The following TNN variants were observed in gnomAD, a reference collection of about 807,000 sequenced individuals.
TNN encodes the protein tenascin N, also known as tenascin-N.
In TNN, 122 loss-of-function variants were observed where a neutral mutation model predicts 134.4. The ratio of observed to expected loss-of-function variants is 0.91; its 90% CI spans 0.78 to 1.06. The LOEUF is 1.06. TNN is among the 50% of genes least tolerant of loss of function. The pLI is 0.00. For missense variants in TNN, 1,739 were observed against 1,699.4 expected (o/e 1.02, Z -0.41); for synonymous variants, 710 against 670.3 (o/e 1.06, Z -0.91).
At chr1:175,070,944 A>C (rs1365816189) in intron 1 of TNN, among the ~76,000 whole-genome samples, 1 of 152,188 alleles carries the variant, frequency 6.6e-6, no homozygotes, top group Non-Finnish European at 1.5e-5. Context: ...AAAGAGAGTT[A>C]AGGAAGGAGT....
chr1:175,102,980 A>T (rs1283012905), intron 9 of TNN, among the ~76,000 whole-genome samples: 1 of 146,350 alleles, frequency 6.8e-6, no homozygotes, highest in Non-Finnish European at 1.5e-5. Context: ...GGTGTCCTTC[A>T]GAGGGGAACT....
chr1:175,084,142 G>A (rs766492098), intron 5 of TNN, among the ~76,000 whole-genome samples: 1 of 152,212 alleles, frequency 6.6e-6, no homozygotes, highest in African/African-American at 2.4e-5. Flanking sequence ...TCCAGAGCTC[G>A]ATCCCAGGGC....
rs764490910 is a variant in TNN at position 175,079,611 on chromosome 1, G to A, written c.688G>A (p.Glu230Lys). ...HEDFMSEDCS[E>K]KRCPGDCSGH... ...AGACTTCATGTCGGAGGACTGCAGC[G>A]AGAAGCGCTGTCCCGGCGACTGCAG... Residue 230 changes from glutamate (E) to lysine (K), a missense_variant, in exon 3 of 19, where the codon GAG (glutamate) becomes AAG (lysine). Transcript: ENST00000239462. 1.3e-5 allele frequency: 20 copies of A among 1,599,816 alleles called. No individual in the cohort carries two copies. The highest frequency in any genetic ancestry group is 1.6e-5 in the Non-Finnish European group (19 of 1,174,612).
intron 16 of TNN, among the ~76,000 whole-genome samples, chr1:175,136,244 G>A (rs1675809096): frequency 6.6e-6 from 1 of 152,170 alleles, no homozygotes. Flanking sequence ...TGATTGGGAT[G>A]CTGGTCCATT....
chr1:175,132,185 C>A (rs1675693169), intron 15 of TNN, among the ~76,000 whole-genome samples: 1 of 152,144 alleles, frequency 6.6e-6, no homozygotes, highest in African/African-American at 2.4e-5. Flanking sequence ...TTGGACCAGG[C>A]ACCTTGCTAG....
intron 6 of TNN, among the ~76,000 whole-genome samples, chr1:175,092,659 C>CA (rs1445906160): frequency 6.6e-6 from 1 of 152,144 alleles, no homozygotes; most frequent in African/African-American, 2.4e-5. Flanking sequence ...AGAATGAGTT[C>CA]AAATCTTGGC....
At chr1:175,132,046 G>C (rs1392466041) in intron 15 of TNN, among the ~76,000 whole-genome samples, 1 of 152,050 alleles carries the variant, frequency 6.6e-6, no homozygotes, top group Non-Finnish European at 1.5e-5. Context: ...TAGGGGGGCA[G>C]GGTTGGATTT....
At chr1:175,093,528 A>G (rs1894684) in intron 6 of TNN, among the ~76,000 whole-genome samples, 83,364 of 151,968 alleles carry the variant, frequency 0.55, 23,457 homozygotes, top group African/African-American at 0.69. Flanking sequence ...AAGAGAGAGA[A>G]GAGCATGTGT....
intron 9 of TNN, among the ~76,000 whole-genome samples, chr1:175,099,464 G>T (rs1674661374): frequency 6.6e-6 from 1 of 151,384 alleles, no homozygotes; most frequent in South Asian, 2.1e-4. Context: ...AGGAGGAAAG[G>T]TGAGGGGTCA....
At chr1:175,143,293 T>G (rs1406015031) in intron 17 of TNN, among the ~76,000 whole-genome samples, 2 of 152,210 alleles carry the variant, frequency 1.3e-5, no homozygotes, top group Non-Finnish European at 2.9e-5. Flanking sequence ...TGTAAGAATC[T>G]TTATTGCAGG....
chr1:175,121,184 G>T (rs572072070), intron 11 of TNN, among the ~76,000 whole-genome samples: 5 of 152,142 alleles, frequency 3.3e-5, no homozygotes, highest in Non-Finnish European at 7.3e-5. Flanking sequence ...CTACGGTATC[G>T]GACTGTGCCG....
At chr1:175,140,424 C>A (rs1051136240) in intron 17 of TNN, among the ~76,000 whole-genome samples, 1 of 152,264 alleles carries the variant, frequency 6.6e-6, no homozygotes, top group Non-Finnish European at 1.5e-5. Flanking sequence ...CCTCCCTGGC[C>A]TCCTGGTCAG....
intron 15 of TNN, among the ~76,000 whole-genome samples, chr1:175,130,371 G>T (rs1281243163): frequency 6.6e-6 from 1 of 152,194 alleles, no homozygotes; most frequent in Non-Finnish European, 1.5e-5. Flanking sequence ...AATTGGATTG[G>T]CTGGGGGAAA....
chr1:175,128,274 T>G, intron 14 of TNN, 110 bp downstream of exon 14: 1 of 1,077,936 alleles, frequency 9.3e-7, no homozygotes, highest in Non-Finnish European at 1.3e-6. Flanking sequence ...TTGATTTCTC[T>G]AGGCATGGGG....
chr1:175,115,310 T>C (rs563522072), intron 9 of TNN, among the ~76,000 whole-genome samples: 1 of 149,714 alleles, frequency 6.7e-6, no homozygotes, highest in African/African-American at 2.5e-5. Context: ...CCAAAAGCAT[T>C]GTTCCCTGGG....
In TNN at chr1:175,128,073, A is replaced by G. The variant is rs1477063631; in HGVS notation, c.3087A>G (p.Gln1029=). The part of the protein sequence containing the change: ...LGREDQRFAL[Q]GLEQGATYPV... ...GGGAAGACCAGAGGTTTGCGTTGCAAGGCCTTGAGCAAGGCGCCACCTACC... is the reference window on the plus strand; with the variant it reads ...GGGAAGACCAGAGGTTTGCGTTGCAGGGCCTTGAGCAAGGCGCCACCTACC... The change falls in exon 14 of 19, where the codon CAA becomes CAG. Residue 1029 remains glutamine, a synonymous_variant. Coordinates refer to ENST00000239462, the MANE Select transcript of TNN (RefSeq NM_022093.2). 1 of 1,614,164 alleles carries G rather than the reference A, an allele frequency of 6.2e-7. No individual in the cohort carries two copies. The highest frequency in any genetic ancestry group is 1.7e-5 in the Admixed American group (1 of 60,018).
At chr1:175,108,204 G>A (rs1412116854) in intron 9 of TNN, among the ~76,000 whole-genome samples, 1 of 151,274 alleles carries the variant, frequency 6.6e-6, no homozygotes, top group Non-Finnish European at 1.5e-5. Flanking sequence ...GCTGGTTGGG[G>A]TATTTACAAT....
intron 13 of TNN, 55 bp downstream of exon 13, chr1:175,127,140 T>C (rs1675550587): frequency 4.4e-6 from 7 of 1,584,440 alleles, no homozygotes; most frequent in Non-Finnish European, 6.0e-6. Context: ...GTGAAGCAAC[T>C]AACTTGGGCC....
At chr1:175,081,867 G>A (rs1035732242) in intron 4 of TNN, among the ~76,000 whole-genome samples, 1 of 152,180 alleles carries the variant, frequency 6.6e-6, no homozygotes, top group African/African-American at 2.4e-5. Flanking sequence ...AGTGGGGAGA[G>A]CCTCTCCCCT....
Sources: gnomAD v4.1 joint callset for allele counts (sites outside exome capture counted in the v4.1 genomes callset) on GRCh38, gnomAD v4.1.1 for gene constraint, MANE v1.5 for transcripts, NCBI Gene and HGNC (gene_info 2026-07-23, HGNC 2026-07-21) for gene names.